The following KCNQ5 variants were observed in gnomAD, a reference collection of about 807,000 sequenced individuals.
KCNQ5 encodes the protein potassium voltage-gated channel subfamily KQT member 5.
A neutral mutation model predicts 98.2 loss-of-function variants in KCNQ5; 30 were observed. That is an observed-to-expected ratio of 0.31 (90% CI 0.23 to 0.41). The LOEUF (loss-of-function observed/expected upper bound fraction) is 0.41, where lower values mean the gene tolerates loss of function less well. Ranked by LOEUF, KCNQ5 falls within the 10% of genes least tolerant of loss-of-function variation. The probability of loss-of-function intolerance (pLI) is 1.00; values close to 1 mark genes in which losing one functional copy is unlikely to be tolerated. For synonymous variants in KCNQ5, 458 were observed against 449.4 expected (o/e 1.02, Z -0.24); for missense variants, 835 against 1,182.5 (o/e 0.71, Z 4.31).
intron 1 of KCNQ5, among the ~76,000 whole-genome samples, chr6:72,665,387 G>A (rs926102904): frequency 6.6e-6 from 1 of 151,358 alleles, no homozygotes; most frequent in African/African-American, 2.4e-5. Context: ...GTGAGTTGAG[G>A]ATAAAACCCA....
At chr6:72,971,047 T>C (rs1382290488) in intron 1 of KCNQ5, among the ~76,000 whole-genome samples, 2 of 152,066 alleles carry the variant, frequency 1.3e-5, no homozygotes, top group Non-Finnish European at 2.9e-5. Flanking sequence ...GAAACTACCA[T>C]CAGAGTGAAC....
intron 1 of KCNQ5, among the ~76,000 whole-genome samples, chr6:72,712,645 A>G (rs1246052567): frequency 6.6e-6 from 1 of 152,150 alleles, no homozygotes; most frequent in South Asian, 2.1e-4. Context: ...ACAGTTGGGG[A>G]AAAATGTCAG....
In KCNQ5 at chr6:73,003,975, G is replaced by T. The variant is rs769336057; in HGVS notation, c.466G>T (p.Ala156Ser). ...FSTIPEHTKLASSCLLILEFV... is the reference protein window; with the variant it reads ...FSTIPEHTKLSSSCLLILEFV... ...TACCATCCCTGAGCACACAAAATTG[G>T]CCTCAAGTTGCCTCTTGATCCTGGT... is the stretch of plus-strand genomic sequence containing the variant. The change falls in exon 2 of 14, where the codon GCC becomes TCC. Residue 156 changes from alanine (A) to serine (S), a missense_variant. Ala to Ser is a moderately conservative substitution (Grantham distance 99). Coordinates refer to ENST00000370398, the MANE Select transcript of KCNQ5 (RefSeq NM_019842.4). 2 of 1,607,342 alleles carry T rather than the reference G, an allele frequency of 1.2e-6. No homozygotes were observed. Among genetic ancestry groups the T allele is most frequent in the Non-Finnish European group, 1.7e-6 (2 of 1,174,238 alleles).
Position 73,110,645 on chromosome 6 carries a change from C to A in KCNQ5, c.1030-663C>A, listed in dbSNP as rs563545956. The stretch of plus-strand genomic sequence containing the variant: ...TTCTTGTCTCTAGTGTACAAATGGG[C>A]AAAATAGAAAACCTTCTACTCTATA... On this transcript the variant is annotated intron_variant, in intron 6 of 13. Transcript: ENST00000370398. 2.6e-5 allele frequency among the ~76,000 whole-genome samples: 4 copies of A among 152,288 alleles called. No homozygotes were observed. In the South Asian group the frequency reaches 8.3e-4, roughly 32 times the overall value.
intron 8 of KCNQ5, among the ~76,000 whole-genome samples, chr6:73,121,625 A>G (rs1935530): frequency 0.93 from 141,725 of 152,192 alleles, 66,011 homozygotes; most frequent in South Asian, 0.97. Context: ...CATGGGATTC[A>G]GGACACCTAA....
chr6:72,799,860 A>C (rs1030876312), intron 1 of KCNQ5, among the ~76,000 whole-genome samples: 1 of 152,190 alleles, frequency 6.6e-6, no homozygotes, highest in Non-Finnish European at 1.5e-5. Flanking sequence ...AAACTCTTCC[A>C]AATAGTGTAA....
intron 11 of KCNQ5, among the ~76,000 whole-genome samples, chr6:73,186,528 C>T (rs983464684): frequency 6.6e-6 from 1 of 152,170 alleles, no homozygotes; most frequent in African/African-American, 2.4e-5. Context: ...TGTAAATACT[C>T]CTGTCATAGC....
chr6:73,184,589 G>T (rs747209942), intron 11 of KCNQ5, among the ~76,000 whole-genome samples: 1 of 152,238 alleles, frequency 6.6e-6, no homozygotes, highest in Non-Finnish European at 1.5e-5. Context: ...TGCAGATGCT[G>T]AAGTAAAGAG....
chr6:73,144,309 T>C (rs1776835106), intron 10 of KCNQ5, among the ~76,000 whole-genome samples: 1 of 152,212 alleles, frequency 6.6e-6, no homozygotes. Flanking sequence ...TTTCTTCTTT[T>C]GCCATGTATA....
intron 1 of KCNQ5, among the ~76,000 whole-genome samples, chr6:72,918,003 C>A (rs1321677763): frequency 6.6e-6 from 1 of 152,130 alleles, no homozygotes; most frequent in African/African-American, 2.4e-5. Context: ...CGCAATAGCA[C>A]CCCGCACCCC....
chr6:72,793,913 G>A (rs902448905), intron 1 of KCNQ5, among the ~76,000 whole-genome samples: 6 of 152,224 alleles, frequency 3.9e-5, no homozygotes, highest in African/African-American at 1.4e-4. Flanking sequence ...GCCACACTGG[G>A]AGCTGACTGC....
chr6:73,040,850 G>T (rs1447494886), intron 2 of KCNQ5, among the ~76,000 whole-genome samples: 4 of 152,152 alleles, frequency 2.6e-5, no homozygotes, highest in South Asian at 2.1e-4. Flanking sequence ...TATAAATTTG[G>T]TAACAGTTTT....
chr6:72,841,183 A>G (rs576449442), intron 1 of KCNQ5, among the ~76,000 whole-genome samples: 23 of 152,260 alleles, frequency 1.5e-4, no homozygotes, highest in African/African-American at 4.6e-4. Context: ...CACACTGCAT[A>G]TTGCTCACTG....
chr6:72,874,760 G>A (rs540692424), intron 1 of KCNQ5, among the ~76,000 whole-genome samples: 4 of 152,178 alleles, frequency 2.6e-5, no homozygotes, highest in South Asian at 2.1e-4. Context: ...ACAAGATTTC[G>A]GTCCCTAGCC....
At chr6:73,165,253 A>G (rs7751361) in intron 10 of KCNQ5, among the ~76,000 whole-genome samples, 122,798 of 152,068 alleles carry the variant, frequency 0.81, 50,615 homozygotes, top group East Asian at 0.97. Context: ...CCCAAAGTGC[A>G]GGATTAAAGG....
chr6:72,699,855 T>C (rs1284535439), intron 1 of KCNQ5, among the ~76,000 whole-genome samples: 1 of 152,200 alleles, frequency 6.6e-6, no homozygotes, highest in Non-Finnish European at 1.5e-5. Context: ...TAAACTTCTG[T>C]GAGCAAAACA....
Position 73,042,858 on chromosome 6 carries a change from C to T in KCNQ5, c.616+796C>T, listed in dbSNP as rs576912803. On this transcript the variant is annotated intron_variant, in intron 3 of 13. Coordinates refer to ENST00000370398, the MANE Select transcript of KCNQ5 (RefSeq NM_019842.4). ...AAATGGAAAAGTCTATATATAAAAG[C>T]TATTATTATTATTATTTAGTAGCTA... Among the ~76,000 whole-genome samples the T allele has an allele frequency of 3.7e-4, 57 of 152,024 alleles. 1 individual carries two copies. The South Asian group carries it at 0.012, about 32-fold the overall frequency.
chr6:72,785,001 A>C (rs931224154), intron 1 of KCNQ5, among the ~76,000 whole-genome samples: 1 of 152,216 alleles, frequency 6.6e-6, no homozygotes, highest in Admixed American at 6.5e-5. Flanking sequence ...GCAGTTTAAA[A>C]ATGATCAAAG....
At chr6:72,801,095 A>G (rs563811032) in intron 1 of KCNQ5, among the ~76,000 whole-genome samples, 1 of 152,162 alleles carries the variant, frequency 6.6e-6, no homozygotes, top group South Asian at 2.1e-4. Context: ...AAAAAAATGT[A>G]TATTCTGTTG....
Sources: gnomAD v4.1 joint callset for allele counts (sites outside exome capture counted in the v4.1 genomes callset) on GRCh38, gnomAD v4.1.1 for gene constraint, MANE v1.5 for transcripts, NCBI Gene and HGNC (gene_info 2026-07-23, HGNC 2026-07-21) for gene names.